The following HDAC9 variants were observed in gnomAD, a reference collection of about 807,000 sequenced individuals.
HDAC9 encodes histone deacetylase 9, also known as MEF-2 interacting transcription repressor (MITR) protein.
Under a neutral mutation model 139.4 loss-of-function variants are expected in HDAC9, and 41 were observed. The ratio of observed to expected loss-of-function variants is 0.29; its 90% confidence interval spans 0.23 to 0.38. The LOEUF is 0.38. HDAC9 is among the 10% of genes least tolerant of loss of function. The pLI is 1.00. For missense variants in HDAC9, 1,147 were observed against 1,297.0 expected (o/e 0.88, Z 1.78); for synonymous variants, 517 against 476.2 (o/e 1.09, Z -1.12).
rs1280362556 is a variant in HDAC9, at chr7:18,999,638, CATGTTGG to C, written c.*3577_*3583del. On this transcript the variant is annotated 3_prime_UTR_variant, in exon 26 of 26. Transcript: ENST00000686413. ...ATTTTTAGTAGAGACGGGGTTTCTC[CATGTTGG>C]TCAGGCTGGTCTCAAACTCCCGACC... 1.3e-5 allele frequency: 2 copies of C among 152,146 alleles called. No individual in the cohort carries two copies. The highest frequency in any genetic ancestry group is 1.5e-5 in the Non-Finnish European group (1 of 68,056). The allele number at this position is 152,146 out of a possible 1,614,324, so 9.4% of individuals were successfully genotyped here. A position where few individuals can be genotyped will look rare whatever the true frequency, so the allele number is the denominator to read the frequency against.
chr7:18,142,119 GTTAT>G (rs1785943129), intron 1 of HDAC9, among the ~76,000 whole-genome samples: 1 of 151,200 alleles, frequency 6.6e-6, no homozygotes, highest in Admixed American at 6.6e-5. Context: ...GTGTAGATGA[GTTAT>G]TTTTCTGTCT....
chr7:18,162,475 G>A, intron 2 of HDAC9: 3 of 861,366 alleles, frequency 3.5e-6, no homozygotes, highest in Non-Finnish European at 5.3e-6. Context: ...ATTGCTTAAT[G>A]TAACAAATTT....
At chr7:18,385,350 T>G (rs1352774876) in intron 1 of HDAC9, among the ~76,000 whole-genome samples, 1 of 152,162 alleles carries the variant, frequency 6.6e-6, no homozygotes, top group Non-Finnish European at 1.5e-5. Flanking sequence ...TCATATCATT[T>G]TCCTTTGGGA....
chr7:18,503,175 G>A (rs1217669385), intron 2 of HDAC9, among the ~76,000 whole-genome samples: 1 of 152,174 alleles, frequency 6.6e-6, no homozygotes, highest in African/African-American at 2.4e-5. Flanking sequence ...GTTGGCCTCT[G>A]CCTCAAATGA....
chr7:18,213,139 A>G (rs1792066541), intron 2 of HDAC9, among the ~76,000 whole-genome samples: 1 of 152,166 alleles, frequency 6.6e-6, no homozygotes, highest in Non-Finnish European at 1.5e-5. Flanking sequence ...ATTTTAATAA[A>G]TTTTCCCTCT....
chr7:18,314,587 A>T (rs908640170), intron 1 of HDAC9, among the ~76,000 whole-genome samples: 2 of 152,098 alleles, frequency 1.3e-5, no homozygotes, highest in Non-Finnish European at 2.9e-5. Flanking sequence ...GGATGCTATA[A>T]CCTTCATTGT....
At chr7:18,792,257 C>CT (rs370313883) in intron 16 of HDAC9, among the ~76,000 whole-genome samples, 2,708 of 137,888 alleles carry the variant, frequency 0.02, 78 homozygotes, top group African/African-American at 0.068. Context: ...ATTTAATTCT[C>CT]TTTTTTTTTT....
intron 1 of HDAC9, among the ~76,000 whole-genome samples, chr7:18,316,732 G>A (rs865788026): frequency 1.3e-5 from 2 of 151,760 alleles, no homozygotes; most frequent in Non-Finnish European, 2.9e-5. Flanking sequence ...CAGGAGGATC[G>A]CTTGAGCCCA....
At chr7:18,980,707 CCTTCTTCCT>C (rs1784859853) in intron 25 of HDAC9, among the ~76,000 whole-genome samples, 1 of 126,084 alleles carries the variant, frequency 7.9e-6, no homozygotes, top group African/African-American at 2.8e-5. Context: ...CCTTCTTCTT[CCTTCTTCCT>C]CTTCTTCTTC....
chr7:18,686,682 G>A (rs961019167), intron 12 of HDAC9, among the ~76,000 whole-genome samples: 6 of 151,896 alleles, frequency 4.0e-5, no homozygotes, highest in African/African-American at 1.4e-4. Context: ...AATGGCTGAA[G>A]TCTCTTTAAC....
intron 14 of HDAC9, among the ~76,000 whole-genome samples, chr7:18,752,197 A>G (rs1481500345): frequency 6.6e-6 from 1 of 152,096 alleles, no homozygotes; most frequent in Non-Finnish European, 1.5e-5. Flanking sequence ...AGAGTTGTTG[A>G]AGAATCAGGA....
chr7:18,306,531 T>C (rs1269867332), intron 1 of HDAC9, among the ~76,000 whole-genome samples: 1 of 152,220 alleles, frequency 6.6e-6, no homozygotes, highest in Admixed American at 6.5e-5. Context: ...TAATTAAGAC[T>C]GAGTAATATA....
chr7:18,579,120 T>G (rs566158284), intron 2 of HDAC9, among the ~76,000 whole-genome samples: 1 of 152,326 alleles, frequency 6.6e-6, no homozygotes, highest in South Asian at 2.1e-4. Context: ...TGACATGTTA[T>G]CATCATGATA....
intron 2 of HDAC9, among the ~76,000 whole-genome samples, chr7:18,562,156 C>T (rs1820816223): frequency 6.6e-6 from 1 of 151,884 alleles, no homozygotes; most frequent in African/African-American, 2.4e-5. Flanking sequence ...TTTTCAAGTT[C>T]TTTGTCTGTT....
Position 18,210,167 on chromosome 7 carries a change from G to C in HDAC9, c.25+47818G>C, listed in dbSNP as rs1010887166. Among the ~76,000 whole-genome samples, 4 of 152,074 alleles carry C rather than the reference G, an allele frequency of 2.6e-5. No homozygotes were observed. The South Asian group carries it at 8.3e-4, about 31-fold the overall frequency. ...TTGTCTTGTTCATTGGGCATTTATT[G>C]GGTACCTAGTATAATCCAGATATTC... On this transcript the variant is annotated intron_variant, in intron 2 of 12. Coordinates refer to the HDAC9 transcript ENST00000417496.
chr7:18,619,243 A>T (rs1839548464), intron 6 of HDAC9, among the ~76,000 whole-genome samples: 1 of 152,162 alleles, frequency 6.6e-6, no homozygotes, highest in Admixed American at 6.5e-5. Context: ...TCTTGCCATG[A>T]CATTCAGCAT....
intron 21 of HDAC9, among the ~76,000 whole-genome samples, chr7:18,872,521 G>A (rs1048815938): frequency 3.9e-5 from 6 of 152,044 alleles, no homozygotes; most frequent in African/African-American, 7.2e-5. Context: ...ACTGATTCAC[G>A]GTAGCAAGAT....
intron 17 of HDAC9, among the ~76,000 whole-genome samples, chr7:18,818,364 A>G (rs978529302): frequency 6.6e-6 from 1 of 152,212 alleles, no homozygotes; most frequent in Non-Finnish European, 1.5e-5. Flanking sequence ...TATACATAAA[A>G]CATTTTTCTC....
chr7:18,336,731 T>C (rs1299042671), intron 1 of HDAC9, among the ~76,000 whole-genome samples: 5 of 151,654 alleles, frequency 3.3e-5, no homozygotes, highest in Admixed American at 2.6e-4. Context: ...GATTTATTCC[T>C]TGTCTATATT....
Sources: allele counts gnomAD v4.1 joint callset (sites outside exome capture counted in the v4.1 genomes callset), GRCh38; gene constraint gnomAD v4.1.1; transcripts MANE v1.5; gene names NCBI Gene and HGNC (gene_info 2026-07-23, HGNC 2026-07-21).